The following RICTOR variants were observed in gnomAD, a reference collection of about 807,000 sequenced individuals.
RICTOR encodes rapamycin-insensitive companion of mTOR.
Under a neutral mutation model 214.9 loss-of-function variants are expected in RICTOR, and 49 were observed. The observed-to-expected ratio is 0.23, with a 90% CI of 0.18 to 0.29. The LOEUF (loss-of-function observed/expected upper bound fraction) is 0.29, where lower values mean the gene tolerates loss of function less well. Ranked by LOEUF, RICTOR falls within the 10% of genes least tolerant of loss-of-function variation. RICTOR has a pLI of 1.00. For synonymous variants in RICTOR, 717 were observed against 711.3 expected (o/e 1.01, Z -0.13); for missense variants, 1,625 against 2,047.0 (o/e 0.79, Z 3.98).
At chr5:39,021,168 T>C (rs371186547) in intron 2 of RICTOR, 32 bp from the exon 3 acceptor site, 1 of 1,127,998 alleles carries the variant, frequency 8.9e-7, no homozygotes, top group East Asian at 2.3e-5. Flanking sequence ...TTTAACACAA[T>C]TTTATGAGTA....
At chr5:39,034,469 C>G (rs1020918183) in intron 2 of RICTOR, among the ~76,000 whole-genome samples, 4 of 152,170 alleles carry the variant, frequency 2.6e-5, no homozygotes, top group African/African-American at 7.2e-5. Flanking sequence ...ACAGCGGATG[C>G]AGGACAGTGG....
intron 2 of RICTOR, among the ~76,000 whole-genome samples, chr5:39,028,222 G>C (rs573641412): frequency 1.4e-4 from 16 of 115,774 alleles, no homozygotes; most frequent in African/African-American, 5.6e-4. Context: ...TCGCTCTGTC[G>C]CCCAGGCTGG....
chr5:38,983,277 T>C (rs1751876020), intron 7 of RICTOR, among the ~76,000 whole-genome samples: 1 of 152,224 alleles, frequency 6.6e-6, no homozygotes, highest in South Asian at 2.1e-4. Context: ...TACTTTAAAA[T>C]AGTATTGCTT....
chr5:38,994,596 C>G (rs528225744), intron 6 of RICTOR, among the ~76,000 whole-genome samples: 138 of 152,212 alleles, frequency 9.1e-4, no homozygotes, highest in Non-Finnish European at 1.3e-3. Flanking sequence ...ACCGCTGATT[C>G]TATATCCCAC....
intron 24 of RICTOR, 87 bp from the exon 25 acceptor site, chr5:38,957,817 A>G (rs924308728): frequency 5.6e-6 from 4 of 712,430 alleles, no homozygotes; most frequent in Admixed American, 2.7e-5. Context: ...TTAAAAAAGT[A>G]TAAGGAGCTA....
chr5:39,035,327 A>G (rs948574503), intron 2 of RICTOR, among the ~76,000 whole-genome samples: 4 of 152,196 alleles, frequency 2.6e-5, no homozygotes, highest in African/African-American at 9.6e-5. Context: ...TCTGTACGTC[A>G]CCATCATCAA....
In RICTOR at chr5:38,960,010, A is replaced by G. The variant is rs1387677743; in HGVS notation, c.1852-32T>C. The G allele has an allele frequency of 3.6e-6, 5 of 1,392,308 alleles. No homozygotes were observed. The South Asian group carries it at 5.8e-5, about 16-fold the overall frequency. The allele number at this position is 1,392,308 out of a possible 1,614,324, so 86.2% of individuals were successfully genotyped here. On this transcript the variant is annotated intron_variant, in intron 20 of 37. Transcript: ENST00000357387. The stretch of plus-strand genomic sequence containing the variant: ...GTAAATACATTGTGATATTGTGAGA[A>G]AAGCATTCAAAATCTGTAATTAGAA...
At chr5:39,003,769 A>G in intron 3 of RICTOR, 147 bp from the exon 4 acceptor site, 1 of 476,740 alleles carries the variant, frequency 2.1e-6, no homozygotes. Flanking sequence ...CAGCAGCTTT[A>G]TTTGTATCAT....
intron 31 of RICTOR, chr5:38,949,472 T>C: frequency 6.7e-7 from 1 of 1,493,664 alleles, no homozygotes; most frequent in Non-Finnish European, 9.1e-7. Flanking sequence ...GTGACTTGTA[T>C]GTCCTTTGCA....
chr5:39,073,466 A>C (rs1759473450), intron 2 of RICTOR, among the ~76,000 whole-genome samples: 1 of 152,216 alleles, frequency 6.6e-6, no homozygotes, highest in African/African-American at 2.4e-5. Context: ...AACCTGCAGC[A>C]GGGTGAGGGG....
In RICTOR at chr5:38,940,130, T is replaced by TAAAAAAAAAAAA. The variant is rs1554057737; in HGVS notation, c.*2162_*2173dup. ...ACATACATATTTTTCAAAGTAACAG[T>TAAAAAAAAAAAA]AAAAAAAAAAAACAAAAAAAAAAAC... On this transcript the variant is annotated 3_prime_UTR_variant, in exon 38 of 38. Transcript: ENST00000357387. 24 of 80,388 alleles carry TAAAAAAAAAAAA rather than the reference T, an allele frequency of 3.0e-4. No individual in the cohort carries two copies. The highest frequency in any genetic ancestry group is 1.3e-3 in the African/African-American group (15 of 11,306). 5.0% of individuals were successfully genotyped at this position (80,388 alleles called of 1,614,324 possible). A position where few individuals can be genotyped will look rare whatever the true frequency, so the allele number is the denominator to read the frequency against.
intron 2 of RICTOR, among the ~76,000 whole-genome samples, chr5:39,048,943 G>C (rs1379721488): frequency 6.6e-6 from 1 of 152,026 alleles, no homozygotes; most frequent in Non-Finnish European, 1.5e-5. Context: ...ATCCAACAGA[G>C]GTAAACAGCA....
intron 2 of RICTOR, among the ~76,000 whole-genome samples, chr5:39,027,224 T>A (rs1451977348): frequency 6.6e-6 from 1 of 152,170 alleles, no homozygotes; most frequent in Non-Finnish European, 1.5e-5. Flanking sequence ...AAGGAGATAA[T>A]ACATGGCAAT....
intron 8 of RICTOR, among the ~76,000 whole-genome samples, 158 bp from the exon 9 acceptor site, chr5:38,978,808 AT>A (rs552849654): frequency 1.1e-4 from 17 of 151,812 alleles, no homozygotes; most frequent in African/African-American, 3.4e-4. Context: ...ATGTTTGGTG[AT>A]TTTTTTTAAT....
chr5:39,000,814 C>T (rs1580061568), intron 5 of RICTOR, among the ~76,000 whole-genome samples: 1 of 151,938 alleles, frequency 6.6e-6, no homozygotes, highest in Non-Finnish European at 1.5e-5. Flanking sequence ...TCAATATCTC[C>T]CCCCAATTTT....
chr5:38,939,567 C>T lies in RICTOR; in HGVS notation c.*2737G>A, dbSNP rs1747311644. Reference sequence around the variant, plus strand: ...TAATTTCCTTATTTATCAGTATTTACTTAGTATGTGAGGCTGAAATCTGTT... The same window carrying T: ...TAATTTCCTTATTTATCAGTATTTATTTAGTATGTGAGGCTGAAATCTGTT... On this transcript the variant is annotated 3_prime_UTR_variant, in exon 38 of 38. Coordinates refer to ENST00000357387, the MANE Select transcript of RICTOR (RefSeq NM_152756.5). 8.7e-6 allele frequency: 2 copies of T among 230,104 alleles called. No homozygotes were observed. Among genetic ancestry groups the T allele is most frequent in the South Asian group, 3.7e-4 (2 of 5,476 alleles). The allele number at this position is 230,104 out of a possible 1,614,324, so 14.3% of individuals were successfully genotyped here. A position where few individuals can be genotyped will look rare whatever the true frequency, so the allele number is the denominator to read the frequency against.
chr5:38,986,327 T>A (rs1482609575), intron 7 of RICTOR, among the ~76,000 whole-genome samples: 1 of 152,118 alleles, frequency 6.6e-6, no homozygotes, highest in Non-Finnish European at 1.5e-5. Flanking sequence ...GAACTGTGAG[T>A]CAAATAACCT....
chr5:39,054,172 CATTCACTTAAAA>C (rs959005031), intron 2 of RICTOR, among the ~76,000 whole-genome samples: 10 of 151,906 alleles, frequency 6.6e-5, no homozygotes, highest in African/African-American at 2.4e-4. Flanking sequence ...GCCGGGATCA[CATTCACTTAAAA>C]AAAAAATACA....
At chr5:38,942,992 G>A (rs2112786119) in intron 36 of RICTOR, 21 bp from the exon 37 acceptor site, 1 of 1,565,220 alleles carries the variant, frequency 6.4e-7, no homozygotes, top group Non-Finnish European at 8.8e-7. Flanking sequence ...AGATTATGGT[G>A]TGATGAAAAC....
Sources: allele counts gnomAD v4.1 joint callset (sites outside exome capture counted in the v4.1 genomes callset), GRCh38; gene constraint gnomAD v4.1.1; transcripts MANE v1.5; gene names NCBI Gene and HGNC (gene_info 2026-07-23, HGNC 2026-07-21).